The following EIF3H variants were observed in gnomAD, a reference collection of about 807,000 sequenced individuals.
The protein encoded by EIF3H is eukaryotic translation initiation factor 3 subunit H, also known as eIF-3-gamma.
A neutral mutation model predicts 44.2 loss-of-function variants in EIF3H; 26 were observed. The ratio of observed to expected loss-of-function variants is 0.59; its 90% confidence interval spans 0.43 to 0.82. The LOEUF is 0.82. Among genes scored for constraint, EIF3H ranks in the 40% least tolerant of loss-of-function variants. The pLI is 0.00. For synonymous variants in EIF3H, 166 were observed against 151.9 expected (o/e 1.09, Z -0.68); for missense variants, 359 against 432.8 (o/e 0.83, Z 1.51).
chr8:116,686,021 A>G (rs923097480), intron 2 of EIF3H, among the ~76,000 whole-genome samples: 1 of 152,184 alleles, frequency 6.6e-6, no homozygotes, highest in Non-Finnish European at 1.5e-5. Flanking sequence ...ATTAGTACCC[A>G]TGAAAAAGAC....
chr8:116,712,545 A>G (rs759820191), intron 2 of EIF3H, among the ~76,000 whole-genome samples: 1 of 152,230 alleles, frequency 6.6e-6, no homozygotes, highest in Non-Finnish European at 1.5e-5. Context: ...ATCAGAAAGC[A>G]TCTAAAATGT....
At position 116,646,520 on chromosome 8, in the gene EIF3H, GAGTTTGGACAGGTCCTCCTC is replaced by G; in HGVS notation, c.892_911del (p.Glu298LeufsTer59). ...TGGCAGGCGGCTGTGGTGGTTTGAA[GAGTTTGGACAGGTCCTCCTC>G]AGGGAGCGGGGGTTCTCCTCGGCTC... is the stretch of plus-strand genomic sequence containing the variant. On this transcript the variant is annotated frameshift_variant, in exon 7 of 8. Coordinates refer to ENST00000521861, the MANE Select transcript of EIF3H (RefSeq NM_003756.3). LOFTEE classifies it high-confidence loss of function. 6.2e-7 allele frequency: 1 copy of G among 1,614,212 alleles called. No individual in the cohort carries two copies. Among genetic ancestry groups the G allele is most frequent in the Non-Finnish European group, 8.5e-7 (1 of 1,180,028 alleles).
intron 1 of EIF3H, among the ~76,000 whole-genome samples, chr8:116,763,476 T>C (rs907021586): frequency 6.6e-6 from 1 of 152,232 alleles, no homozygotes; most frequent in Non-Finnish European, 1.5e-5. Flanking sequence ...TATTTTATTT[T>C]AAAGATTATT....
At chr8:116,670,534 C>T (rs1051360800) in intron 2 of EIF3H, among the ~76,000 whole-genome samples, 1 of 152,178 alleles carries the variant, frequency 6.6e-6, no homozygotes, top group African/African-American at 2.4e-5. Context: ...GGAGGCTTCA[C>T]CTAACTACTC....
At chr8:116,694,744 T>C (rs1162239718) in intron 2 of EIF3H, among the ~76,000 whole-genome samples, 1 of 152,228 alleles carries the variant, frequency 6.6e-6, no homozygotes, top group Non-Finnish European at 1.5e-5. Context: ...AAATTATTTT[T>C]GAAAAGATCT....
chr8:116,654,085 T>C (rs114246507), intron 5 of EIF3H, among the ~76,000 whole-genome samples: 1 of 152,218 alleles, frequency 6.6e-6, no homozygotes, highest in Non-Finnish European at 1.5e-5. Flanking sequence ...GTATGGTCGA[T>C]TTGGTTCAAT....
intron 2 of EIF3H, among the ~76,000 whole-genome samples, chr8:116,660,322 T>C (rs1813565248): frequency 6.6e-6 from 1 of 152,240 alleles, no homozygotes; most frequent in African/African-American, 2.4e-5. Flanking sequence ...TGTCATTCTT[T>C]TGGTTATACC....
chr8:116,677,447 T>C (rs1244359591), intron 2 of EIF3H, among the ~76,000 whole-genome samples: 1 of 152,258 alleles, frequency 6.6e-6, no homozygotes, highest in Admixed American at 6.5e-5. Context: ...TCCCCATTTT[T>C]ACATGTCCTA....
intron 2 of EIF3H, among the ~76,000 whole-genome samples, chr8:116,713,317 T>C (rs371392664): frequency 6.6e-5 from 10 of 152,234 alleles, no homozygotes; most frequent in African/African-American, 2.2e-4. Flanking sequence ...CCATAGCACT[T>C]ATGCTTTGGG....
intron 1 of EIF3H, among the ~76,000 whole-genome samples, chr8:116,742,992 T>C (rs890050267): frequency 6.6e-6 from 1 of 152,150 alleles, no homozygotes; most frequent in African/African-American, 2.4e-5. Context: ...AGTCAAGAGG[T>C]CCTTTAGAAT....
chr8:116,674,754 A>G (rs1165330830), intron 2 of EIF3H, among the ~76,000 whole-genome samples: 1 of 152,182 alleles, frequency 6.6e-6, no homozygotes, highest in Non-Finnish European at 1.5e-5. Flanking sequence ...TTCTCTCCAA[A>G]TAATATTTGT....
intron 6 of EIF3H, among the ~76,000 whole-genome samples, chr8:116,648,508 C>T (rs1349269219): frequency 6.6e-6 from 1 of 152,160 alleles, no homozygotes; most frequent in Non-Finnish European, 1.5e-5. Context: ...AAGAAATGAG[C>T]TGTGACATTC....
At chr8:116,730,221 G>A (rs1013090925) in intron 1 of EIF3H, among the ~76,000 whole-genome samples, 9 of 152,160 alleles carry the variant, frequency 5.9e-5, no homozygotes, top group African/African-American at 1.2e-4. Context: ...GGTACTGCTC[G>A]GGAACTGCTC....
intron 2 of EIF3H, among the ~76,000 whole-genome samples, chr8:116,660,484 T>C (rs1415041824): frequency 6.6e-6 from 1 of 152,198 alleles, no homozygotes; most frequent in South Asian, 2.1e-4. Context: ...TGCTAAAAGA[T>C]GGCAGCCAAC....
At chr8:116,651,742 T>C (rs1244369328) in intron 5 of EIF3H, among the ~76,000 whole-genome samples, 1 of 152,206 alleles carries the variant, frequency 6.6e-6, no homozygotes, top group African/African-American at 2.4e-5. Context: ...TTCTAAATAG[T>C]TGATTTAAAT....
chr8:116,744,030 C>G (rs200870324), intron 1 of EIF3H, among the ~76,000 whole-genome samples: 4 of 151,356 alleles, frequency 2.6e-5, no homozygotes, highest in Non-Finnish European at 4.4e-5. Flanking sequence ...AGTGCAAGAA[C>G]TGAACAGTAC....
At chr8:116,756,206 G>A (rs1815447421), upstream of EIF3H, among the ~76,000 whole-genome samples, 1 of 152,160 alleles carries the variant, frequency 6.6e-6, no homozygotes, top group African/African-American at 2.4e-5. Context: ...TGATTTGTCC[G>A]ACATTATTCT....
intron 2 of EIF3H, among the ~76,000 whole-genome samples, chr8:116,721,748 T>C (rs1814750036): frequency 6.6e-6 from 1 of 152,262 alleles, no homozygotes; most frequent in African/African-American, 2.4e-5. Context: ...AAGATCTGAC[T>C]GCCCCACTGG....
intron 7 of EIF3H, among the ~76,000 whole-genome samples, chr8:116,646,255 A>G (rs909830238): frequency 6.6e-6 from 1 of 152,198 alleles, no homozygotes; most frequent in Non-Finnish European, 1.5e-5. Flanking sequence ...ATGTTTAGAA[A>G]CACAGAGTGA....
Sources: allele counts gnomAD v4.1 joint callset (sites outside exome capture counted in the v4.1 genomes callset), GRCh38; gene constraint gnomAD v4.1.1; transcripts MANE v1.5; gene names NCBI Gene and HGNC (gene_info 2026-07-23, HGNC 2026-07-21).